Variants in PTP4A1 observed in about 807,000 individuals in gnomAD.
PTP4A1 encodes the protein protein tyrosine phosphatase 4A1, also known as protein tyrosine phosphatase type IVA 1.
PTP4A1 carries 9 observed loss-of-function variants against 20.5 expected under a neutral mutation model. The ratio of observed to expected loss-of-function variants is 0.44; its 90% CI spans 0.26 to 0.77. The LOEUF (loss-of-function observed/expected upper bound fraction) is 0.77, where lower values mean the gene tolerates loss of function less well. Among genes scored for constraint, PTP4A1 ranks in the 30% least tolerant of loss-of-function variants. The pLI, the probability that PTP4A1 is intolerant of heterozygous loss-of-function variation, is 0.19. For synonymous variants in PTP4A1, 78 were observed against 67.4 expected, an observed-to-expected ratio of 1.16 and a Z score of -0.77; for missense variants, 137 against 218.8, an observed-to-expected ratio of 0.63 and a Z score of 2.36.
At chr6:63,561,801 A>G (rs1018862493) in intron 3 of PTP4A1, among the ~76,000 whole-genome samples, 3 of 152,234 alleles carry the variant, frequency 2.0e-5, no homozygotes, top group African/African-American at 7.2e-5. Context: ...AAAGTAAATT[A>G]TAATCAGATC....
At chr6:63,570,401 A>T (rs935421597), upstream of PTP4A1, among the ~76,000 whole-genome samples, 2 of 152,208 alleles carry the variant, frequency 1.3e-5, no homozygotes, top group Non-Finnish European at 2.9e-5. Context: ...TCCTTTAAAT[A>T]TGTTACTTTC....
intron 3 of PTP4A1, among the ~76,000 whole-genome samples, chr6:63,554,525 C>T (rs1184140303): frequency 1.3e-5 from 2 of 152,158 alleles, no homozygotes; most frequent in South Asian, 2.1e-4. Flanking sequence ...AGGCCGGGCA[C>T]GGTGGCTCAC....
chr6:63,540,759 G>T (rs538875921), intron 2 of PTP4A1, among the ~76,000 whole-genome samples: 9 of 151,844 alleles, frequency 5.9e-5, no homozygotes, highest in Non-Finnish European at 4.4e-5. Context: ...GGTTATGAGG[G>T]TGGCGGGGAG....
chr6:63,558,817 G>A (rs1159999991), intron 3 of PTP4A1, among the ~76,000 whole-genome samples: 1 of 152,182 alleles, frequency 6.6e-6, no homozygotes, highest in African/African-American at 2.4e-5. Flanking sequence ...AGGAAGACAA[G>A]CCATCCCAGG....
At chr6:63,575,929 A>G (rs1304590630) in intron 1 of PTP4A1, among the ~76,000 whole-genome samples, 1 of 152,082 alleles carries the variant, frequency 6.6e-6, no homozygotes, top group Non-Finnish European at 1.5e-5. Flanking sequence ...TTTATGAGTT[A>G]AGTAAATTAT....
intron 3 of PTP4A1, among the ~76,000 whole-genome samples, chr6:63,557,932 C>T (rs1417207301): frequency 6.6e-6 from 1 of 151,894 alleles, no homozygotes; most frequent in Non-Finnish European, 1.5e-5. Context: ...CTCTGTCACC[C>T]AGGCTGGAGT....
At chr6:63,552,811 T>A (rs1406989158) in intron 3 of PTP4A1, among the ~76,000 whole-genome samples, 1 of 152,204 alleles carries the variant, frequency 6.6e-6, no homozygotes, top group Non-Finnish European at 1.5e-5. Flanking sequence ...CCATTTCTTG[T>A]TTTTGTCAGG....
chr6:63,582,375 TTTGGA>T lies in PTP4A1; in HGVS notation c.*2205_*2209del, dbSNP rs888908590. On this transcript the variant is annotated 3_prime_UTR_variant, in exon 6 of 6. Transcript: ENST00000626021. ...TTTGAAAAGAAATTAATTTGCAGTGTTTGGATTGTATATATGGTGCTAAAAATAAA... is the reference window on the plus strand; with the variant it reads ...TTTGAAAAGAAATTAATTTGCAGTGTTTGTATATATGGTGCTAAAAATAAA... 3.3e-5 allele frequency: 5 copies of T among 152,628 alleles called. No individual in the cohort carries two copies. Among genetic ancestry groups the T allele is most frequent in the Admixed American group, 1.3e-4 (2 of 15,274 alleles). 9.5% of individuals were successfully genotyped at this position (152,628 alleles called of 1,614,324 possible). A position where few individuals can be genotyped will look rare whatever the true frequency, so the allele number is the denominator to read the frequency against.
At chr6:63,527,195 G>C (rs1775226337) in intron 1 of PTP4A1, among the ~76,000 whole-genome samples, 1 of 152,120 alleles carries the variant, frequency 6.6e-6, no homozygotes, top group Admixed American at 6.6e-5. Context: ...CTCAGAATTA[G>C]TCTGCTTTGA....
intron 2 of PTP4A1, among the ~76,000 whole-genome samples, chr6:63,543,875 T>G (rs1776078250): frequency 6.6e-6 from 1 of 152,240 alleles, no homozygotes. Flanking sequence ...ATTTTACTCT[T>G]CGTGTTTATT....
intron 2 of PTP4A1, chr6:63,548,719 T>C: frequency 1.6e-6 from 1 of 641,342 alleles, no homozygotes; most frequent in East Asian, 2.6e-5. Flanking sequence ...TAACCCAGCT[T>C]AGTTGCAAGT....
At chr6:63,531,419 T>C (rs1011698209) in intron 2 of PTP4A1, among the ~76,000 whole-genome samples, 2 of 151,532 alleles carry the variant, frequency 1.3e-5, no homozygotes, top group Non-Finnish European at 1.5e-5. Context: ...TAACAAATTA[T>C]AATTTTTAAT....
chr6:63,578,765 C>T (rs1778032927), intron 3 of PTP4A1, 133 bp from the exon 4 acceptor site: 1 of 1,135,562 alleles, frequency 8.8e-7, no homozygotes, highest in Non-Finnish European at 1.2e-6. Context: ...TGGTAGACAA[C>T]AGGGTTTAAT....
chr6:63,540,663 T>G (rs1050965848), intron 2 of PTP4A1, among the ~76,000 whole-genome samples: 1 of 151,648 alleles, frequency 6.6e-6, no homozygotes. Flanking sequence ...AAAAGTTAGA[T>G]GAAAATGAGA....
intron 1 of PTP4A1, among the ~76,000 whole-genome samples, chr6:63,574,636 A>C (rs1777733576): frequency 6.6e-6 from 1 of 152,198 alleles, no homozygotes; most frequent in Non-Finnish European, 1.5e-5. Context: ...TTTAGCTATT[A>C]AATATGGAAA....
At chr6:63,571,395 G>A (rs1024981429), upstream of PTP4A1, 5 of 152,212 alleles carry the variant, frequency 3.3e-5, no homozygotes, top group Non-Finnish European at 7.3e-5. Flanking sequence ...TAAAGGTCCT[G>A]TTTGGTCCTT....
intron 3 of PTP4A1, among the ~76,000 whole-genome samples, chr6:63,564,289 AAG>A (rs1261041500): frequency 3.3e-5 from 5 of 151,772 alleles, no homozygotes; most frequent in Non-Finnish European, 5.9e-5. Context: ...AAAAAAAAAA[AAG>A]AGAGAAATTT....
chr6:63,556,321 GTT>G (rs577083296), intron 3 of PTP4A1, among the ~76,000 whole-genome samples: 3 of 145,832 alleles, frequency 2.1e-5, no homozygotes, highest in East Asian at 2.0e-4. Context: ...ATCAAACTTG[GTT>G]TTTTTTTTTC....
intron 2 of PTP4A1, among the ~76,000 whole-genome samples, chr6:63,546,397 A>C (rs1483948340): frequency 1.3e-5 from 2 of 152,144 alleles, no homozygotes; most frequent in East Asian, 3.8e-4. Context: ...AAAAATCAGG[A>C]GATGTTGTTT....
Sources: gnomAD v4.1 joint callset for allele counts (sites outside exome capture counted in the v4.1 genomes callset) on GRCh38, gnomAD v4.1.1 for gene constraint, MANE v1.5 for transcripts, NCBI Gene and HGNC (gene_info 2026-07-23, HGNC 2026-07-21) for gene names.